EIF3J: variants seen among roughly 807,000 people sequenced by gnomAD.
The protein encoded by EIF3J is eukaryotic translation initiation factor 3 subunit J, also known as eukaryotic translation initiation factor 3, subunit 1 (alpha, 35kD).
EIF3J carries 15 observed loss-of-function variants against 39.0 expected under a neutral mutation model. The observed-to-expected ratio is 0.38, with a 90% CI of 0.26 to 0.59. EIF3J has a LOEUF of 0.59. Among genes scored for constraint, EIF3J ranks in the 20% least tolerant of loss-of-function variants. EIF3J has a pLI of 0.60. For synonymous variants in EIF3J, 98 were observed against 112.9 expected (o/e 0.87, Z 0.84); for missense variants, 226 against 308.6 (o/e 0.73, Z 2.00).
chr15:44,557,755 C>A, intron 6 of EIF3J, 105 bp downstream of exon 6: 1 of 842,426 alleles, frequency 1.2e-6, no homozygotes, highest in Non-Finnish European at 1.6e-6. Context: ...ATAATACAGA[C>A]TCATGATTTG....
intron 5 of EIF3J, 35 bp from the exon 6 acceptor site, chr15:44,557,454 T>C: frequency 6.9e-7 from 1 of 1,459,772 alleles, no homozygotes; most frequent in East Asian, 2.7e-5. Context: ...AATCCTAACC[T>C]CCTGATACTT....
chr15:44,553,361 G>A (rs1173569193), intron 4 of EIF3J, among the ~76,000 whole-genome samples: 4 of 151,804 alleles, frequency 2.6e-5, no homozygotes, highest in East Asian at 3.9e-4. Context: ...GCGTGGTGGC[G>A]GGCGCCTGTA....
Position 44,561,011 on chromosome 15 carries a change from T to C in EIF3J, c.646-7T>C. The C allele has an allele frequency of 6.2e-7, 1 of 1,612,892 alleles. No homozygotes were observed. The highest frequency in any genetic ancestry group is 8.5e-7 in the Non-Finnish European group (1 of 1,179,668). ...AGGTTCATGAATTAACTCTCTTTCA[T>C]CTTTAGCAAAGCAAAGCCAAAAAGA... On this transcript the variant is annotated splice_polypyrimidine_tract_variant and splice_region_variant and intron_variant, in intron 7 of 7. Coordinates refer to ENST00000261868, the MANE Select transcript of EIF3J (RefSeq NM_003758.4).
At chr15:44,538,265 G>A (rs1429903519) in intron 2 of EIF3J, among the ~76,000 whole-genome samples, 3 of 150,628 alleles carry the variant, frequency 2.0e-5, no homozygotes, top group Admixed American at 6.6e-5. Flanking sequence ...TTATACAGCT[G>A]TAAGTGACAT....
chr15:44,553,143 G>A (rs1369922913), intron 4 of EIF3J, among the ~76,000 whole-genome samples: 5 of 150,350 alleles, frequency 3.3e-5, no homozygotes, highest in African/African-American at 4.9e-5. Context: ...CCATGACTGC[G>A]CCACTACACT....
chr15:44,561,111 G>C lies in EIF3J; in HGVS notation c.739G>C (p.Asp247His). Reference protein sequence around the residue: ...KDDLADYGGYDGGYVQDYEDF... With the variant: ...KDDLADYGGYHGGYVQDYEDF... ...TGATCTGGCAGATTATGGTGGTTAT[G>C]ATGGAGGATATGTACAAGACTATGA... The change falls in exon 8 of 8, where the codon GAT becomes CAT. Residue 247 changes from aspartate to histidine, a missense_variant. Around this residue, in one of 2 missense-constraint regions of EIF3J, gnomAD observed 83 missense variants for 152.6 expected, o/e 0.54. Coordinates refer to ENST00000261868, the MANE Select transcript of EIF3J (RefSeq NM_003758.4). 2 of 1,613,448 alleles carry C rather than the reference G, an allele frequency of 1.2e-6. No homozygotes were observed. The highest frequency in any genetic ancestry group is 2.2e-5 in the South Asian group (2 of 91,062).
intron 7 of EIF3J, among the ~76,000 whole-genome samples, chr15:44,560,740 A>G (rs1171036285): frequency 6.6e-6 from 1 of 152,174 alleles, no homozygotes; most frequent in Non-Finnish European, 1.5e-5. Context: ...ACACTTTTCT[A>G]AATTTGCTTC....
At chr15:44,537,850 TATGACCCTG>T (rs1472767710) in intron 2 of EIF3J, among the ~76,000 whole-genome samples, 3 of 152,232 alleles carry the variant, frequency 2.0e-5, no homozygotes, top group Admixed American at 2.0e-4. Flanking sequence ...GTAACTCATT[TATGACCCTG>T]AGGTCTACTT....
Position 44,550,873 on chromosome 15 carries a change from T to C in EIF3J, c.148-3T>C. ...AATTATTAATGGAAGTCCTTTTCTT[T>C]AGGATAACTGGGATGACGATGATGA... On this transcript the variant is annotated splice_region_variant and splice_polypyrimidine_tract_variant and intron_variant, in intron 2 of 7. Coordinates refer to ENST00000261868, the MANE Select transcript of EIF3J (RefSeq NM_003758.4). 1.3e-6 allele frequency: 2 copies of C among 1,589,712 alleles called. No individual in the cohort carries two copies. The highest frequency in any genetic ancestry group is 1.7e-6 in the Non-Finnish European group (2 of 1,161,438).
chr15:44,548,020 CA>C (rs1188556564), intron 2 of EIF3J, among the ~76,000 whole-genome samples: 5 of 151,964 alleles, frequency 3.3e-5, no homozygotes, highest in African/African-American at 1.2e-4. Context: ...TATGAGGGTT[CA>C]TATGGAAAAA....
At chr15:44,538,526 G>T (rs998054712) in intron 2 of EIF3J, among the ~76,000 whole-genome samples, 1 of 152,104 alleles carries the variant, frequency 6.6e-6, no homozygotes, top group African/African-American at 2.4e-5. Context: ...TAATCACTAT[G>T]AACTTAATAG....
At chr15:44,540,629 T>C (rs571255562) in intron 2 of EIF3J, among the ~76,000 whole-genome samples, 2 of 152,128 alleles carry the variant, frequency 1.3e-5, no homozygotes, top group Non-Finnish European at 2.9e-5. Flanking sequence ...TTGGTAGAGA[T>C]AGAGTTTCGC....
chr15:44,560,560 A>G (rs971193656), intron 7 of EIF3J: 1 of 487,552 alleles, frequency 2.1e-6, no homozygotes, highest in African/African-American at 2.0e-5. Context: ...AAATACTAGC[A>G]CTGCTACTTA....
At chr15:44,555,931 C>T (rs922704173) in intron 5 of EIF3J, among the ~76,000 whole-genome samples, 1 of 152,048 alleles carries the variant, frequency 6.6e-6, no homozygotes, top group African/African-American at 2.4e-5. Flanking sequence ...GAGATCGGCT[C>T]ACTGCAACCT....
intron 2 of EIF3J, among the ~76,000 whole-genome samples, chr15:44,541,570 A>T (rs1435921545): frequency 6.6e-6 from 1 of 150,886 alleles, no homozygotes; most frequent in Non-Finnish European, 1.5e-5. Context: ...CGTCCTACTC[A>T]TTCACTCTCT....
At chr15:44,537,572 C>G in intron 2 of EIF3J, 145 bp downstream of exon 2, 1 of 858,166 alleles carries the variant, frequency 1.2e-6, no homozygotes, top group Non-Finnish European at 1.6e-6. Flanking sequence ...TTCCCCTCCG[C>G]TTGCCGGCCA....
intron 2 of EIF3J, among the ~76,000 whole-genome samples, chr15:44,539,465 T>A (rs2081989746): frequency 6.6e-6 from 1 of 152,062 alleles, no homozygotes; most frequent in Non-Finnish European, 1.5e-5. Flanking sequence ...TGGAGTGCAG[T>A]GGCACAATCT....
chr15:44,546,725 G>T (rs746258050), intron 2 of EIF3J, among the ~76,000 whole-genome samples: 2 of 147,578 alleles, frequency 1.4e-5, no homozygotes, highest in Non-Finnish European at 3.0e-5. Context: ...AGCCTTCTAA[G>T]TTCTGTGGAG....
At chr15:44,543,727 G>C (rs767995540) in intron 2 of EIF3J, among the ~76,000 whole-genome samples, 1 of 151,992 alleles carries the variant, frequency 6.6e-6, no homozygotes, top group Non-Finnish European at 1.5e-5. Flanking sequence ...CACTTCTTTT[G>C]CTACTAAAAT....
Sources: gnomAD v4.1 joint callset for allele counts (sites outside exome capture counted in the v4.1 genomes callset) on GRCh38, gnomAD v4.1.1 for gene constraint, gnomAD v4.1.1 regional missense constraint, MANE v1.5 for transcripts, NCBI Gene and HGNC (gene_info 2026-07-23, HGNC 2026-07-21) for gene names.